The following JAZF1 variants were observed in gnomAD, a reference collection of about 807,000 sequenced individuals.
The protein encoded by JAZF1 is JAZF zinc finger 1, also known as juxtaposed with another zinc finger protein 1.
A neutral mutation model predicts 26.4 loss-of-function variants in JAZF1; 8 were observed. The observed-to-expected ratio is 0.30, with a 90% CI of 0.18 to 0.55. JAZF1 has a LOEUF of 0.55. Among genes scored for constraint, JAZF1 ranks in the 20% least tolerant of loss-of-function variants. The pLI, the probability that JAZF1 is intolerant of heterozygous loss-of-function variation, is 0.94. For missense variants in JAZF1, 199 were observed against 322.0 expected, an observed-to-expected ratio of 0.62 and a Z score of 2.92; for synonymous variants, 126 against 122.3, an observed-to-expected ratio of 1.03 and a Z score of -0.20.
At chr7:28,172,699 T>C (rs1783489020) in intron 1 of JAZF1, among the ~76,000 whole-genome samples, 1 of 152,146 alleles carries the variant, frequency 6.6e-6, no homozygotes, top group Non-Finnish European at 1.5e-5. Context: ...CCACAGCAGA[T>C]GTCATGGTAC....
chr7:28,132,113 G>A (rs1285881905), intron 1 of JAZF1, among the ~76,000 whole-genome samples: 1 of 152,086 alleles, frequency 6.6e-6, no homozygotes, highest in Non-Finnish European at 1.5e-5. Context: ...TACTATAACT[G>A]ATGACATGGA....
intron 2 of JAZF1, among the ~76,000 whole-genome samples, chr7:27,908,413 A>G (rs911626801): frequency 1.3e-5 from 2 of 152,238 alleles, no homozygotes; most frequent in Admixed American, 6.5e-5. Flanking sequence ...TCAAGCTTAC[A>G]GACCTCAAGT....
At chr7:27,846,552 A>G (rs6462054) in intron 3 of JAZF1, 460,296 of 471,010 alleles carry the variant, frequency 0.98, 225,429 homozygotes, top group Middle Eastern at 1. Flanking sequence ...CATTTTCTGT[A>G]GGTATATAAC....
intron 1 of JAZF1, among the ~76,000 whole-genome samples, chr7:28,120,693 G>T (rs1168690482): frequency 2.0e-5 from 3 of 151,738 alleles, no homozygotes; most frequent in Non-Finnish European, 4.4e-5. Context: ...GCTGTCTGAT[G>T]AATTATTTGG....
At chr7:28,049,416 G>A (rs10273618) in intron 1 of JAZF1, among the ~76,000 whole-genome samples, 122,809 of 152,016 alleles carry the variant, frequency 0.81, 50,294 homozygotes, top group Non-Finnish European at 0.88. Flanking sequence ...ACTACTTCCA[G>A]TACTTCACTT....
intron 1 of JAZF1, among the ~76,000 whole-genome samples, chr7:28,141,792 A>G (rs575358985): frequency 8.5e-5 from 13 of 152,336 alleles, no homozygotes; most frequent in African/African-American, 2.9e-4. Flanking sequence ...ACAATAAGAA[A>G]TAATTTCTAG....
intron 1 of JAZF1, among the ~76,000 whole-genome samples, chr7:28,035,682 T>C (rs976790773): frequency 2.0e-5 from 3 of 152,108 alleles, no homozygotes; most frequent in Non-Finnish European, 4.4e-5. Context: ...ATGGCATGCA[T>C]AGAAATTGTT....
intron 2 of JAZF1, among the ~76,000 whole-genome samples, chr7:27,981,636 T>C (rs372347396): frequency 3.3e-5 from 5 of 152,356 alleles, no homozygotes; most frequent in African/African-American, 1.2e-4. Flanking sequence ...AAAGTTTTAG[T>C]AGCAGTGATA....
chr7:28,064,318 AAAG>A (rs902026734), intron 1 of JAZF1, among the ~76,000 whole-genome samples: 3 of 152,102 alleles, frequency 2.0e-5, no homozygotes, highest in Non-Finnish European at 4.4e-5. Context: ...ATAAAATTTA[AAAG>A]AAGGAAACTA....
chr7:27,890,551 T>C (rs1783954367), intron 3 of JAZF1, among the ~76,000 whole-genome samples: 1 of 152,136 alleles, frequency 6.6e-6, no homozygotes, highest in Admixed American at 6.5e-5. Context: ...GGATAGAAAG[T>C]GTGGGTATAC....
intron 2 of JAZF1, among the ~76,000 whole-genome samples, chr7:27,984,560 C>A (rs1785658480): frequency 6.6e-6 from 1 of 152,168 alleles, no homozygotes; most frequent in African/African-American, 2.4e-5. Context: ...AGAAAGTTAA[C>A]AAGGATATCC....
chr7:27,967,462 T>C (rs1785297235), intron 2 of JAZF1, among the ~76,000 whole-genome samples: 1 of 152,158 alleles, frequency 6.6e-6, no homozygotes, highest in African/African-American at 2.4e-5. Context: ...ATACTTTTAG[T>C]TGTAAAAAGA....
At chr7:28,041,323 A>G (rs1246975495) in intron 1 of JAZF1, among the ~76,000 whole-genome samples, 8 of 152,132 alleles carry the variant, frequency 5.3e-5, no homozygotes, top group South Asian at 4.1e-4. Flanking sequence ...AGATTGCCCA[A>G]ATGATTATAC....
At chr7:28,005,290 G>C (rs1435837162) in intron 1 of JAZF1, among the ~76,000 whole-genome samples, 2 of 151,980 alleles carry the variant, frequency 1.3e-5, no homozygotes, top group South Asian at 4.2e-4. Context: ...TATTCACCTT[G>C]GTAACAAATC....
intron 2 of JAZF1, among the ~76,000 whole-genome samples, chr7:27,945,320 T>C (rs1784910684): frequency 6.6e-6 from 1 of 152,104 alleles, no homozygotes; most frequent in Non-Finnish European, 1.5e-5. Context: ...GGGCAAGCCA[T>C]GCCCAGCACC....
At chr7:28,011,898 G>C (rs1782806441) in intron 1 of JAZF1, among the ~76,000 whole-genome samples, 3 of 152,178 alleles carry the variant, frequency 2.0e-5, no homozygotes, top group Admixed American at 6.5e-5. Flanking sequence ...TAAGGGATGG[G>C]AGATGGGTCA....
At chr7:27,887,408 G>A (rs970002212) in intron 3 of JAZF1, among the ~76,000 whole-genome samples, 1 of 151,666 alleles carries the variant, frequency 6.6e-6, no homozygotes, top group Non-Finnish European at 1.5e-5. Context: ...CCACTGATTT[G>A]TATTTATTTA....
intron 2 of JAZF1, among the ~76,000 whole-genome samples, chr7:27,911,480 A>G (rs1370865345): frequency 3.3e-5 from 5 of 152,190 alleles, no homozygotes; most frequent in African/African-American, 1.2e-4. Flanking sequence ...GTGTTGTTCA[A>G]TACAGTAGCC....
At position 28,096,256 on chromosome 7, in the gene JAZF1, G is replaced by A. The variant is rs1040887063; in HGVS notation, c.115+84207C>T. Among the ~76,000 whole-genome samples, 15 of 152,338 alleles carry A rather than the reference G, an allele frequency of 9.8e-5. No individual in the cohort carries two copies. The East Asian group carries it at 2.5e-3, about 25-fold the overall frequency. Reference sequence around the variant, plus strand: ...AGAGGGCCAGTGGTTAGGGTTGTCCGAGAAGTTCTGTGGTGAGGAAAAAAC... The same window carrying A: ...AGAGGGCCAGTGGTTAGGGTTGTCCAAGAAGTTCTGTGGTGAGGAAAAAAC... On this transcript the variant is annotated intron_variant, in intron 1 of 4. Transcript: ENST00000283928.
Sources: gnomAD v4.1 joint callset for allele counts (sites outside exome capture counted in the v4.1 genomes callset) on GRCh38, gnomAD v4.1.1 for gene constraint, MANE v1.5 for transcripts, NCBI Gene and HGNC (gene_info 2026-07-23, HGNC 2026-07-21) for gene names.